Variants in UACA observed in about 807,000 individuals in gnomAD.
UACA encodes the protein nuclear membrane binding protein.
A neutral mutation model predicts 160.5 loss-of-function variants in UACA; 112 were observed. That is an observed-to-expected ratio of 0.70 (90% CI 0.60 to 0.82). The LOEUF (loss-of-function observed/expected upper bound fraction) is 0.82, where lower values mean the gene tolerates loss of function less well. Among genes scored for constraint, UACA ranks in the 40% least tolerant of loss-of-function variants. The pLI is 0.00. For synonymous variants in UACA, 557 were observed against 568.4 expected (o/e 0.98, Z 0.29); for missense variants, 1,574 against 1,614.6 (o/e 0.97, Z 0.43).
chr15:70,740,529 C>T (rs968089943), intron 1 of UACA, among the ~76,000 whole-genome samples: 4 of 150,228 alleles, frequency 2.7e-5, no homozygotes, highest in African/African-American at 2.5e-5. Context: ...CCCAGCTACA[C>T]GGGAGGCTGA....
chr15:70,744,262 A>AG (rs1391422037), intron 1 of UACA, among the ~76,000 whole-genome samples: 7 of 150,838 alleles, frequency 4.6e-5, no homozygotes, highest in African/African-American at 1.7e-4. Flanking sequence ...AAAAAAAAAA[A>AG]AAAAAAGAAA....
In UACA at chr15:70,679,484, C is replaced by T. The variant is rs568286895; in HGVS notation, c.891+124G>A. The T allele has an allele frequency of 2.7e-4, 134 of 492,264 alleles. 1 individual carries two copies. The highest frequency in any genetic ancestry group is 2.4e-3 in the African/African-American group (118 of 48,868). The allele number at this position is 492,264 out of a possible 1,614,324, so 30.5% of individuals were successfully genotyped here. On this transcript the variant is annotated intron_variant, in intron 10 of 18. Coordinates refer to ENST00000322954, the MANE Select transcript of UACA (RefSeq NM_018003.4). ...AAAAGAGAATCACAAACAATTTTAA[C>T]GAGCTTCCCTTTCTTTGCCCCACTC...
At chr15:70,757,093 C>A (rs1314791281) in intron 1 of UACA, among the ~76,000 whole-genome samples, 1 of 152,160 alleles carries the variant, frequency 6.6e-6, no homozygotes, top group Non-Finnish European at 1.5e-5. Context: ...TCTCTTAAAT[C>A]TCTTGTAATC....
chr15:70,742,346 C>T (rs1899562985), intron 1 of UACA, among the ~76,000 whole-genome samples: 1 of 152,192 alleles, frequency 6.6e-6, no homozygotes, highest in Admixed American at 6.5e-5. Flanking sequence ...AACTAGTCAA[C>T]TGGTGAGTGT....
the UACA span, among the ~76,000 whole-genome samples, chr15:70,777,100 G>A: frequency 6.6e-6 from 1 of 152,036 alleles, no homozygotes; most frequent in African/African-American, 2.4e-5. Flanking sequence ...GTAAAGAAAT[G>A]ATTGGATTCT....
chr15:70,723,704 C>A (rs1428284859), intron 1 of UACA, among the ~76,000 whole-genome samples: 3 of 151,100 alleles, frequency 2.0e-5, no homozygotes, highest in Non-Finnish European at 4.4e-5. Flanking sequence ...GTGATCTCGG[C>A]TCACTGCAAG....
Position 70,667,051 on chromosome 15 carries a change from A to G in UACA, c.3633T>C (p.Thr1211=). ...VSKLQSEVQN[T]KQALKKLETR... ...TCTCTAATTTTTTTAATGCTTGTTT[A>G]GTATTCTGAACCTCCGACTGAAGTT... Residue 1211 remains threonine (T), a synonymous_variant, in exon 16 of 19, where the codon ACT becomes ACC. Coordinates refer to ENST00000322954, the MANE Select transcript of UACA (RefSeq NM_018003.4). 1 of 1,613,542 alleles carries G rather than the reference A, an allele frequency of 6.2e-7. No individual in the cohort carries two copies. Among genetic ancestry groups the G allele is most frequent in the Non-Finnish European group, 8.5e-7 (1 of 1,179,894 alleles).
the UACA span, among the ~76,000 whole-genome samples, chr15:70,771,748 A>C: frequency 7.2e-5 from 11 of 152,226 alleles, no homozygotes; most frequent in Admixed American, 4.6e-4. Context: ...ACTTTGAACT[A>C]AGGTCTGAAT....
intron 17 of UACA, chr15:70,661,023 C>A (rs976555871): frequency 6.6e-6 from 1 of 152,160 alleles, no homozygotes; most frequent in Admixed American, 6.6e-5. Context: ...TTGGAACATA[C>A]CCTCAGTGGA....
chr15:70,709,675 G>A (rs1410764854), intron 1 of UACA, among the ~76,000 whole-genome samples: 1 of 152,094 alleles, frequency 6.6e-6, no homozygotes, highest in Non-Finnish European at 1.5e-5. Flanking sequence ...AAGCCTATGA[G>A]TCCAATACTG....
chr15:70,684,180 T>C, intron 8 of UACA, 85 bp downstream of exon 8: 2 of 1,227,226 alleles, frequency 1.6e-6, no homozygotes, highest in East Asian at 2.4e-5. Context: ...TTGCTTCTTA[T>C]AAACTGTAGT....
At chr15:70,775,321 C>A in the UACA span, among the ~76,000 whole-genome samples, 5 of 152,144 alleles carry the variant, frequency 3.3e-5, no homozygotes, top group South Asian at 1.0e-3. Context: ...CTCAAAAATT[C>A]TTGAAAATCT....
At position 70,668,745 on chromosome 15, in the gene UACA, CT is replaced by C; in HGVS notation, c.1938del (p.Ala647GlnfsTer4). The C allele has an allele frequency of 6.2e-7, 1 of 1,613,356 alleles. No homozygotes were observed. The highest frequency in any genetic ancestry group is 1.1e-5 in the South Asian group (1 of 90,940). Reference sequence around the variant, plus strand: ...CTTTCCATTTCTACTAATTTTTTTGCTTTCTCATTCACTTCATTTGATAATG... The same window carrying C: ...CTTTCCATTTCTACTAATTTTTTTGCTTCTCATTCACTTCATTTGATAATG... ...KSSLSNEVNE[K>X]AKKLVEMERE... On this transcript the variant is annotated frameshift_variant, in exon 16 of 19. Transcript: ENST00000322954. LOFTEE classifies it high-confidence loss of function.
At chr15:70,683,367 AAG>A (rs1255411318) in intron 8 of UACA, among the ~76,000 whole-genome samples, 2 of 152,130 alleles carry the variant, frequency 1.3e-5, no homozygotes, top group Non-Finnish European at 2.9e-5. Context: ...TCTAAAAAAA[AAG>A]AGGGGAAGAA....
In UACA at chr15:70,679,605, T is replaced by C. The variant is rs1897420395; in HGVS notation, c.891+3A>G. ...GAAGACACCATTATTTTTTTCTTTT[T>C]ACCTGAATATTTTGATGCTCCCTCT... On this transcript the variant is annotated splice_donor_region_variant and intron_variant, in intron 10 of 18. Coordinates refer to ENST00000322954, the MANE Select transcript of UACA (RefSeq NM_018003.4). The C allele has an allele frequency of 6.3e-7, 1 of 1,579,604 alleles. No individual in the cohort carries two copies. The highest frequency in any genetic ancestry group is 2.4e-5 in the East Asian group (1 of 42,138).
Position 70,718,933 on chromosome 15 carries a change from T to C in UACA, c.79-19273A>G, listed in dbSNP as rs148363892. Among the ~76,000 whole-genome samples, 1,189 of 152,184 alleles carry C rather than the reference T, an allele frequency of 7.8e-3. 7 individuals are homozygous for C. The highest frequency in any genetic ancestry group is 0.012 in the Non-Finnish European group (834 of 68,014). On this transcript the variant is annotated intron_variant, in intron 1 of 18. Coordinates refer to ENST00000322954, the MANE Select transcript of UACA (RefSeq NM_018003.4). ...ATTGAATAACTTGGCAAAAAGATTA[T>C]AAAAGCTGAACTTTAGTTGTCATTA...
chr15:70,764,553 T>G (rs1041824208), upstream of UACA, among the ~76,000 whole-genome samples: 1 of 152,198 alleles, frequency 6.6e-6, no homozygotes, highest in Non-Finnish European at 1.5e-5. Flanking sequence ...GTCCACATTT[T>G]CTGACTAACA....
At chr15:70,743,229 C>T (rs1464404851) in intron 1 of UACA, among the ~76,000 whole-genome samples, 1 of 152,156 alleles carries the variant, frequency 6.6e-6, no homozygotes, top group Non-Finnish European at 1.5e-5. Context: ...CTGCTTTGAG[C>T]CAGAGAAAAC....
At chr15:70,704,458 T>G (rs1898468375) in intron 1 of UACA, among the ~76,000 whole-genome samples, 1 of 152,198 alleles carries the variant, frequency 6.6e-6, no homozygotes, top group Non-Finnish European at 1.5e-5. Context: ...ACACCGCAAG[T>G]CTTTCTTTAC....
Sources: gnomAD v4.1 joint callset for allele counts (sites outside exome capture counted in the v4.1 genomes callset) on GRCh38, gnomAD v4.1.1 for gene constraint, MANE v1.5 for transcripts, NCBI Gene and HGNC (gene_info 2026-07-23, HGNC 2026-07-21) for gene names.